Variants in PDS5B observed in about 807,000 individuals in gnomAD.
PDS5B encodes sister chromatid cohesion protein PDS5 homolog B.
Under a neutral mutation model 184.1 loss-of-function variants are expected in PDS5B, and 51 were observed. That is an observed-to-expected ratio of 0.28 (90% CI 0.22 to 0.35). PDS5B has a LOEUF of 0.35. PDS5B is among the 10% of genes least tolerant of loss of function. The probability of loss-of-function intolerance (pLI) is 1.00; values close to 1 mark genes in which losing one functional copy is unlikely to be tolerated. For missense variants in PDS5B, 1,180 were observed against 1,723.3 expected (o/e 0.68, Z 5.58); for synonymous variants, 566 against 569.2 (o/e 0.99, Z 0.08).
chr13:32,754,506 A>G (rs182175985), intron 25 of PDS5B, among the ~76,000 whole-genome samples: 1 of 152,282 alleles, frequency 6.6e-6, no homozygotes, highest in Admixed American at 6.5e-5. Context: ...AATGAACAAA[A>G]CCAAGGAACA....
At position 32,770,195 on chromosome 13, in the gene PDS5B, C is replaced by T. The variant is rs1954732709; in HGVS notation, c.3699C>T (p.Asp1233=). Residue 1233 remains aspartate (D), a synonymous_variant, in exon 32 of 35, where the codon GAC becomes GAT. Transcript: ENST00000315596. ...AGGAGGAGAAATTAGGTATGGATGACTTGACTAAGTTGGTACAGGAACAGA... is the reference window on the plus strand; with the variant it reads ...AGGAGGAGAAATTAGGTATGGATGATTTGACTAAGTTGGTACAGGAACAGA... ...TEQEEKLGMD[D]LTKLVQEQKP... 1 of 1,613,514 alleles carries T rather than the reference C, an allele frequency of 6.2e-7. No homozygotes were observed. Among genetic ancestry groups the T allele is most frequent in the Admixed American group, 1.7e-5 (1 of 59,954 alleles).
chr13:32,704,980 T>C (rs1951967045), intron 17 of PDS5B, among the ~76,000 whole-genome samples: 1 of 152,212 alleles, frequency 6.6e-6, no homozygotes, highest in African/African-American at 2.4e-5. Context: ...TATTTTAAAA[T>C]AGTTTTTCAG....
rs1951320309 is a variant in PDS5B at position 32,684,039 on chromosome 13, T to C, written c.1203+16T>C. ...AGACAAACGAGTAAGTATGAATAAA[T>C]AATTATTACTAAGTTTTCATTTTTA... is the stretch of plus-strand genomic sequence containing the variant. On this transcript the variant is annotated intron_variant, in intron 11 of 34. Transcript: ENST00000315596. The C allele has an allele frequency of 7.8e-7, 1 of 1,282,038 alleles. No homozygotes were observed. Among genetic ancestry groups the C allele is most frequent in the Non-Finnish European group, 1.1e-6 (1 of 922,560 alleles). 79.4% of individuals were successfully genotyped at this position (1,282,038 alleles called of 1,614,324 possible).
chr13:32,623,161 C>T (rs2058325269), intron 1 of PDS5B, among the ~76,000 whole-genome samples: 1 of 152,136 alleles, frequency 6.6e-6, no homozygotes, highest in South Asian at 2.1e-4. Flanking sequence ...GTCACCAGCC[C>T]TGTGTGGCAT....
intron 2 of PDS5B, 101 bp downstream of exon 2, chr13:32,648,981 G>A (rs1046870963): frequency 5.7e-6 from 4 of 700,226 alleles, no homozygotes; most frequent in South Asian, 1.5e-5. Context: ...ACTTAAAAAA[G>A]CAAAGCAAAG....
At chr13:32,734,795 G>A (rs1953264651) in intron 20 of PDS5B, among the ~76,000 whole-genome samples, 1 of 152,192 alleles carries the variant, frequency 6.6e-6, no homozygotes, top group African/African-American at 2.4e-5. Flanking sequence ...TGCAAGTAGA[G>A]TCATCCTTAT....
intron 14 of PDS5B, among the ~76,000 whole-genome samples, chr13:32,694,778 A>G (rs141270715): frequency 6.6e-6 from 1 of 151,708 alleles, no homozygotes; most frequent in East Asian, 1.9e-4. Flanking sequence ...TTATAATGTA[A>G]TGATGGTATT....
intron 31 of PDS5B, among the ~76,000 whole-genome samples, chr13:32,765,331 CT>C (rs1954550227): frequency 6.6e-6 from 1 of 152,184 alleles, no homozygotes; most frequent in Non-Finnish European, 1.5e-5. Context: ...GAGTAAGTGA[CT>C]TAGCCAAAAT....
intron 10 of PDS5B, among the ~76,000 whole-genome samples, chr13:32,683,610 A>G (rs1183617401): frequency 6.6e-6 from 1 of 152,108 alleles, no homozygotes; most frequent in African/African-American, 2.4e-5. Context: ...ATGAGCCACC[A>G]CACCTGGCCA....
intron 9 of PDS5B, among the ~76,000 whole-genome samples, chr13:32,676,953 A>G (rs963386619): frequency 2.0e-5 from 3 of 151,552 alleles, no homozygotes; most frequent in Admixed American, 1.3e-4. Context: ...AAAAAAAAAA[A>G]AAAGATTTAA....
At chr13:32,759,024 CT>C (rs1204876950) in intron 28 of PDS5B, among the ~76,000 whole-genome samples, 2 of 152,098 alleles carry the variant, frequency 1.3e-5, no homozygotes, top group African/African-American at 4.8e-5. Context: ...AGAACAGACA[CT>C]AGAACATGCC....
chr13:32,741,011 C>G, intron 21 of PDS5B, 69 bp from the exon 22 acceptor site: 1 of 875,684 alleles, frequency 1.1e-6, no homozygotes, highest in South Asian at 1.5e-5. Flanking sequence ...TTTCTAAGTG[C>G]TAATTGAAAA....
intron 1 of PDS5B, among the ~76,000 whole-genome samples, chr13:32,609,666 T>G (rs2058111327): frequency 1.3e-5 from 2 of 152,232 alleles, no homozygotes; most frequent in African/African-American, 4.8e-5. Flanking sequence ...GACATACTTT[T>G]TCTTAGCCCC....
At chr13:32,598,567 C>A (rs1450782428) in intron 1 of PDS5B, among the ~76,000 whole-genome samples, 1 of 151,966 alleles carries the variant, frequency 6.6e-6, no homozygotes, top group African/African-American at 2.4e-5. Flanking sequence ...AATTCCTGGG[C>A]TCAAGCAGTC....
intron 21 of PDS5B, among the ~76,000 whole-genome samples, chr13:32,737,752 A>G (rs539905563): frequency 6.6e-6 from 1 of 152,336 alleles, no homozygotes; most frequent in African/African-American, 2.4e-5. Context: ...TGTACAAAGG[A>G]ATATATGTAA....
rs1320472485 is a variant in PDS5B, at chr13:32,658,426, A to T, written c.400-8A>T. ...CTTAACTTTCACTTTTTTACACCTT[A>T]TTTTTAGAACATTGCTTGGGTCAAG... is the stretch of plus-strand genomic sequence containing the variant. On this transcript the variant is annotated splice_region_variant and splice_polypyrimidine_tract_variant and intron_variant, in intron 4 of 34. Coordinates refer to ENST00000315596, the MANE Select transcript of PDS5B (RefSeq NM_015032.4). 7.1e-6 allele frequency: 11 copies of T among 1,539,322 alleles called. No homozygotes were observed. The highest frequency in any genetic ancestry group is 8.0e-6 in the Non-Finnish European group (9 of 1,127,412).
chr13:32,607,721 T>TC (rs547863986), intron 1 of PDS5B, among the ~76,000 whole-genome samples: 692 of 152,282 alleles, frequency 4.5e-3, no homozygotes, highest in Non-Finnish European at 7.3e-3. Flanking sequence ...AGTTCGAGCT[T>TC]CCCGGCCAAC....
At chr13:32,736,475 A>G (rs143256496) in intron 21 of PDS5B, among the ~76,000 whole-genome samples, 3 of 151,642 alleles carry the variant, frequency 2.0e-5, no homozygotes, top group African/African-American at 7.2e-5. Flanking sequence ...TTTTTTCTTG[A>G]AGTTTATTGA....
At chr13:32,769,800 C>A (rs1954716523) in intron 31 of PDS5B, among the ~76,000 whole-genome samples, 1 of 152,120 alleles carries the variant, frequency 6.6e-6, no homozygotes, top group African/African-American at 2.4e-5. Flanking sequence ...GGACCAAGCA[C>A]TGAATTTATA....
Sources: gnomAD v4.1 joint callset for allele counts (sites outside exome capture counted in the v4.1 genomes callset) on GRCh38, gnomAD v4.1.1 for gene constraint, MANE v1.5 for transcripts, NCBI Gene and HGNC (gene_info 2026-07-23, HGNC 2026-07-21) for gene names.